Variants in OLA1 observed in about 807,000 individuals in gnomAD.
The protein encoded by OLA1 is obg-like ATPase 1.
A neutral mutation model predicts 48.4 loss-of-function variants in OLA1; 14 were observed. The observed-to-expected ratio is 0.29, with a 90% CI of 0.19 to 0.45. The LOEUF is 0.45. Ranked by LOEUF, OLA1 falls within the 20% of genes least tolerant of loss-of-function variation. The pLI is 1.00. For synonymous variants in OLA1, 127 were observed against 150.4 expected, an observed-to-expected ratio of 0.84 and a Z score of 1.14; for missense variants, 325 against 467.1, an observed-to-expected ratio of 0.70 and a Z score of 2.80.
At chr2:174,186,731 G>A (rs962393899) in intron 4 of OLA1, among the ~76,000 whole-genome samples, 2 of 152,096 alleles carry the variant, frequency 1.3e-5, no homozygotes, top group South Asian at 2.1e-4. Context: ...TGGAAAAAAG[G>A]CCTGCAGATG....
chr2:174,189,135 G>A (rs1277931439), intron 4 of OLA1, among the ~76,000 whole-genome samples: 1 of 151,986 alleles, frequency 6.6e-6, no homozygotes, highest in Admixed American at 6.5e-5. Flanking sequence ...AATAACCAAA[G>A]AGCTGTTTTC....
intron 4 of OLA1, among the ~76,000 whole-genome samples, chr2:174,175,949 A>G (rs1687412123): frequency 6.6e-6 from 1 of 152,090 alleles, no homozygotes; most frequent in Non-Finnish European, 1.5e-5. Context: ...ACTACATACT[A>G]TATGATACTA....
intron 7 of OLA1, among the ~76,000 whole-genome samples, chr2:174,103,189 GTATCATGT>G (rs1685436555): frequency 2.9e-5 from 3 of 101,894 alleles, no homozygotes; most frequent in Admixed American, 1.8e-4. Flanking sequence ...GTGTACATGT[GTATCATGT>G]GTATTTGGCT....
rs139018949 is a variant in OLA1 at position 174,170,061 on chromosome 2, G to A, written c.374-28061C>T. Among the ~76,000 whole-genome samples the A allele has an allele frequency of 5.7e-3, 865 of 152,126 alleles. 6 individuals carry two copies. Among genetic ancestry groups the A allele is most frequent in the Non-Finnish European group, 9.7e-3 (657 of 67,970 alleles). On this transcript the variant is annotated intron_variant, in intron 4 of 10. Transcript: ENST00000284719. ...CTGTAAACTAACACGGTGAAACCCC[G>A]TCACTACTAAAAATACATAAAATTA...
chr2:174,219,951 G>A (rs751977508), intron 4 of OLA1, among the ~76,000 whole-genome samples: 3 of 152,028 alleles, frequency 2.0e-5, no homozygotes, highest in Non-Finnish European at 1.5e-5. Context: ...GGCCAACATG[G>A]TGAAATCCCG....
chr2:174,193,200 G>A (rs956132171), intron 4 of OLA1, among the ~76,000 whole-genome samples: 22 of 150,360 alleles, frequency 1.5e-4, no homozygotes, highest in African/African-American at 4.7e-4. Context: ...AGCGATTCTC[G>A]TGCCTCAGCT....
chr2:174,191,184 C>G (rs866335075), intron 4 of OLA1, among the ~76,000 whole-genome samples: 1 of 151,834 alleles, frequency 6.6e-6, no homozygotes, highest in Non-Finnish European at 1.5e-5. Flanking sequence ...CAATCCACAA[C>G]GTATACATAT....
chr2:174,225,486 T>C (rs1011711689), intron 3 of OLA1, among the ~76,000 whole-genome samples: 1 of 151,690 alleles, frequency 6.6e-6, no homozygotes, highest in Admixed American at 6.6e-5. Flanking sequence ...GAGGCGGAGG[T>C]TGCAGTGAGC....
At chr2:174,212,775 T>C (rs1688273757) in intron 4 of OLA1, among the ~76,000 whole-genome samples, 1 of 152,190 alleles carries the variant, frequency 6.6e-6, no homozygotes, top group Admixed American at 6.5e-5. Context: ...GTGAGGATCA[T>C]CAGTGTCACT....
rs182631903 is a variant in OLA1, at chr2:174,163,731, T to A, written c.374-21731A>T. ...AAATAAATATATATATATATATATA[T>A]ATATATATATATATATATATATATA... is the stretch of plus-strand genomic sequence containing the variant. On this transcript the variant is annotated intron_variant, in intron 4 of 10. Coordinates refer to ENST00000284719, the MANE Select transcript of OLA1 (RefSeq NM_013341.5). 2.0e-3 allele frequency among the ~76,000 whole-genome samples: 40 copies of A among 19,612 alleles called. 3 individuals carry two copies. The highest frequency in any genetic ancestry group is 3.3e-3 in the Non-Finnish European group (33 of 10,112). The allele number at this position is 19,612 out of a possible 152,430, so 12.9% of individuals were successfully genotyped here.
chr2:174,081,982 A>G lies in OLA1; in HGVS notation c.811T>C (p.Leu271=), dbSNP rs138590546. The change falls in exon 8 of 11, where the codon TTG becomes CTG. Residue 271 remains leucine, a synonymous_variant. Transcript: ENST00000284719. ...IPFSGALELK[L]QELSAEERQK... is the part of the protein sequence containing the mutation. The stretch of plus-strand genomic sequence containing the variant: ...CTCTCCTCAGCACTCAATTCTTGCA[A>G]CTTGAGTTCCAAGGCCCCACTAAAA... 1.5e-4 allele frequency: 236 copies of G among 1,613,386 alleles called. No individual in the cohort carries two copies. In the African/African-American group the frequency reaches 2.7e-3, roughly 18 times the overall value.
At chr2:174,155,326 G>A (rs1169139259) in intron 4 of OLA1, among the ~76,000 whole-genome samples, 1 of 152,162 alleles carries the variant, frequency 6.6e-6, no homozygotes, top group Non-Finnish European at 1.5e-5. Context: ...AGCAGTTATT[G>A]GCACTTGAAT....
chr2:174,087,500 T>C (rs1379803931), intron 7 of OLA1, among the ~76,000 whole-genome samples: 2 of 147,436 alleles, frequency 1.4e-5, no homozygotes, highest in Admixed American at 6.8e-5. Flanking sequence ...TTCTATAATG[T>C]TCTAATACAA....
chr2:174,119,053 T>G (rs1685848558), intron 7 of OLA1, among the ~76,000 whole-genome samples: 1 of 151,262 alleles, frequency 6.6e-6, no homozygotes. Context: ...TATTATTACA[T>G]GTAAAAATAT....
At chr2:174,152,568 GTTTACGTTTCTAGCC>G (rs1214966342) in intron 4 of OLA1, among the ~76,000 whole-genome samples, 1 of 152,050 alleles carries the variant, frequency 6.6e-6, no homozygotes, top group Non-Finnish European at 1.5e-5. Flanking sequence ...AAAGATGTAG[GTTTACGTTTCTAGCC>G]TTCAGAGTTT....
intron 4 of OLA1, among the ~76,000 whole-genome samples, chr2:174,182,751 A>G (rs1687577935): frequency 6.6e-6 from 1 of 152,108 alleles, no homozygotes; most frequent in Non-Finnish European, 1.5e-5. Flanking sequence ...CTTTTCAACA[A>G]CCTTCCCAAG....
At chr2:174,157,769 G>A (rs1686920434) in intron 4 of OLA1, among the ~76,000 whole-genome samples, 1 of 152,144 alleles carries the variant, frequency 6.6e-6, no homozygotes, top group Non-Finnish European at 1.5e-5. Flanking sequence ...AACACCTAGT[G>A]TTATAATAGG....
chr2:174,201,256 G>T (rs1277871273), intron 4 of OLA1, among the ~76,000 whole-genome samples: 1 of 152,156 alleles, frequency 6.6e-6, no homozygotes, highest in African/African-American at 2.4e-5. Flanking sequence ...TATGAGAGAA[G>T]TTAAAATGAT....
intron 4 of OLA1, among the ~76,000 whole-genome samples, chr2:174,144,946 AAAAAAATATATAT>A (rs1355496280): frequency 1.3e-5 from 1 of 76,906 alleles, no homozygotes; most frequent in African/African-American, 4.3e-5. Flanking sequence ...AAAAAAAAAA[AAAAAAATATATAT>A]ATATATATAT....
Sources: gnomAD v4.1 joint callset for allele counts (sites outside exome capture counted in the v4.1 genomes callset) on GRCh38, gnomAD v4.1.1 for gene constraint, MANE v1.5 for transcripts, NCBI Gene and HGNC (gene_info 2026-07-23, HGNC 2026-07-21) for gene names.